MS4A7: variants seen among roughly 807,000 people sequenced by gnomAD.
MS4A7 encodes the protein membrane spanning 4-domains A7, also known as membrane-spanning 4-domains subfamily A member 7.
MS4A7 carries 21 observed loss-of-function variants against 23.5 expected under a neutral mutation model. That is an observed-to-expected ratio of 0.89 (90% CI 0.63 to 1.29). The LOEUF is 1.29. MS4A7 is among the 50% of genes most tolerant of loss of function. The pLI, the probability that MS4A7 is intolerant of heterozygous loss-of-function variation, is 0.00. For synonymous variants in MS4A7, 111 were observed against 107.4 expected, an observed-to-expected ratio of 1.03 and a Z score of -0.21; for missense variants, 263 against 274.2, an observed-to-expected ratio of 0.96 and a Z score of 0.29.
Position 60,388,106 on chromosome 11 carries a change from T to C in MS4A7, c.340-1284T>C, listed in dbSNP as rs115105120. On this transcript the variant is annotated intron_variant, in intron 4 of 6. Transcript: ENST00000300184. ...CTATATGGATTCATGTGCTGAGTCT[T>C]TGAAGGAAAAGTAGTCCCAGTGGGC... Among the ~76,000 whole-genome samples, 848 of 152,330 alleles carry C rather than the reference T, an allele frequency of 5.6e-3. 14 individuals carry two copies. Among genetic ancestry groups the C allele is most frequent in the African/African-American group, 0.019 (803 of 41,580 alleles).
chr11:60,383,315 T>G, intron 2 of MS4A7, 27 bp downstream of exon 2: 1 of 1,612,728 alleles, frequency 6.2e-7, no homozygotes, highest in Non-Finnish European at 8.5e-7. Flanking sequence ...ATAAGGGGAA[T>G]ACTGAGAAAA....
intron 3 of MS4A7, chr11:60,386,372 C>T (rs976134768): frequency 2.2e-5 from 5 of 222,888 alleles, no homozygotes; most frequent in Non-Finnish European, 4.3e-5. Flanking sequence ...TCTGTCCATT[C>T]AAGTCATTGG....
Position 60,394,374 on chromosome 11 carries a change from ATCT to A in MS4A7, c.*517_*519del, listed in dbSNP as rs1272319348. On this transcript the variant is annotated 3_prime_UTR_variant, in exon 7 of 7. Transcript: ENST00000300184. Reference sequence around the variant, plus strand: ...CCATTAGGTGGAAGACAGCAAAGAGATCTTCTCAAGTGCTTAGGATTACCTCTC... The same window carrying A: ...CCATTAGGTGGAAGACAGCAAAGAGATCTCAAGTGCTTAGGATTACCTCTC... 6.6e-6 allele frequency: 1 copy of A among 152,598 alleles called. No individual in the cohort carries two copies. The highest frequency in any genetic ancestry group is 1.5e-5 in the Non-Finnish European group (1 of 68,464). The allele number at this position is 152,598 out of a possible 1,614,324, so 9.5% of individuals were successfully genotyped here. A position where few individuals can be genotyped will look rare whatever the true frequency, so the allele number is the denominator to read the frequency against.
intron 4 of MS4A7, chr11:60,388,889 A>G (rs1206578563): frequency 6.4e-6 from 1 of 155,174 alleles, no homozygotes; most frequent in Non-Finnish European, 1.4e-5. Flanking sequence ...TTGAAAGCCT[A>G]TTTTATGTTC....
Position 60,385,256 on chromosome 11 carries a change from C to G in MS4A7, c.282+34C>G, listed in dbSNP as rs190815822. 3 of 1,612,454 alleles carry G rather than the reference C, an allele frequency of 1.9e-6. No individual in the cohort carries two copies. The African/African-American group carries it at 4.0e-5, about 22-fold the overall frequency. On this transcript the variant is annotated intron_variant, in intron 3 of 6. Coordinates refer to ENST00000300184, the MANE Select transcript of MS4A7 (RefSeq NM_021201.5). ...AATGGGGACTCTAAGAGGGGACATG[C>G]TTTATAAATGCTAACCAGGTGCATA...
rs117412294 is a variant in MS4A7 at position 60,380,130 on chromosome 11, T to C, written c.-14+1466T>C. Reference sequence around the variant, plus strand: ...TTCAAGGTTCATCCATGTTGTGCCATGTATCAGAATCTATCATTTGCTTTT... The same window carrying C: ...TTCAAGGTTCATCCATGTTGTGCCACGTATCAGAATCTATCATTTGCTTTT... On this transcript the variant is annotated intron_variant, in intron 1 of 6. Transcript: ENST00000300184. Among the ~76,000 whole-genome samples, 259 of 152,366 alleles carry C rather than the reference T, an allele frequency of 1.7e-3. 2 individuals are homozygous for C. In the East Asian group the frequency reaches 0.036, roughly 21 times the overall value.
chr11:60,379,538 G>C (rs1370532097), intron 1 of MS4A7, among the ~76,000 whole-genome samples: 4 of 136,220 alleles, frequency 2.9e-5, no homozygotes, highest in African/African-American at 7.4e-5. Context: ...TTGTTTGTTT[G>C]TTTGTTTGTT....
intron 4 of MS4A7, 33 bp downstream of exon 4, chr11:60,386,806 T>C (rs1171885457): frequency 6.6e-7 from 1 of 1,526,024 alleles, no homozygotes; most frequent in Admixed American, 1.8e-5. Flanking sequence ...CTCAGCTGGT[T>C]GGAATTGAAG....
rs2085609217 is a variant in MS4A7 at position 60,395,713 on chromosome 11, T to C, written c.*1852T>C. The C allele has an allele frequency of 6.6e-6, 1 of 152,180 alleles. No individual in the cohort carries two copies. Among genetic ancestry groups the C allele is most frequent in the Non-Finnish European group, 1.5e-5 (1 of 68,040 alleles). The allele number at this position is 152,180 out of a possible 1,614,324, so 9.4% of individuals were successfully genotyped here. On this transcript the variant is annotated 3_prime_UTR_variant, in exon 7 of 7. Transcript: ENST00000300184. Reference sequence around the variant, plus strand: ...ACTCCATCTGGTCCTATAGCATCTTTACTACTGATTTTTTTTTGTTTAATT... The same window carrying C: ...ACTCCATCTGGTCCTATAGCATCTTCACTACTGATTTTTTTTTGTTTAATT...
At position 60,394,921 on chromosome 11, in the gene MS4A7, A is replaced by G. The variant is rs750701151; in HGVS notation, c.*1060A>G. ...AGAATATTCAGTCGTTGGCACATAA[A>G]CTATGTTCTCTTCTGTCATTTCAGG... On this transcript the variant is annotated 3_prime_UTR_variant, in exon 7 of 7. Transcript: ENST00000300184. 6.4e-6 allele frequency: 4 copies of G among 628,452 alleles called. No homozygotes were observed. The highest frequency in any genetic ancestry group is 5.9e-5 in the South Asian group (3 of 50,690). The allele number at this position is 628,452 out of a possible 1,614,324, so 38.9% of individuals were successfully genotyped here. A position where few individuals can be genotyped will look rare whatever the true frequency, so the allele number is the denominator to read the frequency against.
intron 1 of MS4A7, among the ~76,000 whole-genome samples, chr11:60,379,125 G>A (rs2085401475): frequency 6.6e-6 from 1 of 152,252 alleles, no homozygotes; most frequent in Non-Finnish European, 1.5e-5. Context: ...AATGTGGAAG[G>A]ACAAAGCATC....
chr11:60,393,193 C>T (rs2085572679), intron 6 of MS4A7, among the ~76,000 whole-genome samples: 1 of 152,066 alleles, frequency 6.6e-6, no homozygotes, highest in Non-Finnish European at 1.5e-5. Context: ...CAGCTGGTGT[C>T]TACTGGGAAG....
chr11:60,392,695 T>G lies in MS4A7; in HGVS notation c.557T>G (p.Val186Gly), dbSNP rs1259692511. ...TGTCCTGATTTGCAGGGTGTCCTAG[T>G]GGTGATGCTCATCTTCACTGTGCTG... ...LTSVSLTGVL[V>G]VMLIFTVLEL... is the part of the protein sequence containing the mutation. The change falls in exon 6 of 7, where the codon GTG (valine) becomes GGG (glycine). Residue 186 changes from valine (V) to glycine (G), a missense_variant. Coordinates refer to ENST00000300184, the MANE Select transcript of MS4A7 (RefSeq NM_021201.5). The G allele has an allele frequency of 3.1e-6, 5 of 1,613,662 alleles. No homozygotes were observed. Among genetic ancestry groups the G allele is most frequent in the East Asian group, 4.5e-5 (2 of 44,878 alleles).
intron 4 of MS4A7, among the ~76,000 whole-genome samples, chr11:60,388,324 GA>G (rs996405184): frequency 6.6e-6 from 1 of 152,224 alleles, no homozygotes; most frequent in Non-Finnish European, 1.5e-5. Context: ...CTGAAGCCCA[GA>G]GTAAGAAGGA....
At chr11:60,389,282 G>T in intron 4 of MS4A7, 108 bp from the exon 5 acceptor site, 1 of 830,280 alleles carries the variant, frequency 1.2e-6, no homozygotes, top group Non-Finnish European at 1.9e-6. Flanking sequence ...CAAGGAAACA[G>T]GAAGGAAACA....
In MS4A7 at chr11:60,378,588, G is replaced by A. The variant is rs2085396152; in HGVS notation, c.-90G>A. ...GATCGTTCTGGCAGGAACAGCCAGT[G>A]GGAGGTTCCAGCTGAGCGCTCCCCA... On this transcript the variant is annotated 5_prime_UTR_variant, in exon 1 of 7. Transcript: ENST00000300184. 6.6e-6 allele frequency: 1 copy of A among 152,300 alleles called. No homozygotes were observed. The highest frequency in any genetic ancestry group is 2.1e-4 in the South Asian group (1 of 4,840). The allele number at this position is 152,300 out of a possible 1,614,324, so 9.4% of individuals were successfully genotyped here.
rs1235108002 is a variant in MS4A7 at position 60,394,800 on chromosome 11, C to T, written c.*939C>T. 3.2e-6 allele frequency: 1 copy of T among 314,110 alleles called. No individual in the cohort carries two copies. The highest frequency in any genetic ancestry group is 5.6e-6 in the Non-Finnish European group (1 of 177,914). 19.5% of individuals were successfully genotyped at this position (314,110 alleles called of 1,614,324 possible). A position where few individuals can be genotyped will look rare whatever the true frequency, so the allele number is the denominator to read the frequency against. On this transcript the variant is annotated 3_prime_UTR_variant, in exon 7 of 7. Transcript: ENST00000300184. ...CCGGCCTACAAGAACAAAACTCCATCTCAAAATAAATAAAAAAATAAATAA... is the reference window on the plus strand; with the variant it reads ...CCGGCCTACAAGAACAAAACTCCATTTCAAAATAAATAAAAAAATAAATAA...
In MS4A7 at chr11:60,395,003, C is replaced by T; in HGVS notation, c.*1142C>T. ...CAAGTTACAGATAATCTCTGACTGG[C>T]ATGTTTTCTGCTTCTAGCTTGGAGC... On this transcript the variant is annotated 3_prime_UTR_variant, in exon 7 of 7. Transcript: ENST00000300184. The T allele has an allele frequency of 1.6e-6, 1 of 629,950 alleles. No homozygotes were observed. Among genetic ancestry groups the T allele is most frequent in the Non-Finnish European group, 2.9e-6 (1 of 345,690 alleles). 39.0% of individuals were successfully genotyped at this position (629,950 alleles called of 1,614,324 possible).
chr11:60,383,255 G>C lies in MS4A7; in HGVS notation c.114G>C (p.Gln38His), dbSNP rs1438233836. Reference protein sequence around the residue: ...GHMYQNEDYLQNGLPTETTVL... With the variant: ...GHMYQNEDYLHNGLPTETTVL... ...TGTACCAAAACGAAGATTACCTGCA[G>C]AACGGGCTGCCAACAGAAACCACCG... Residue 38 changes from glutamine to histidine, a missense_variant, in exon 2 of 7, where the codon CAG (glutamine) becomes CAC (histidine). By Grantham distance (24) the Gln-to-His change is conservative. Transcript: ENST00000300184. 1.2e-6 allele frequency: 2 copies of C among 1,614,056 alleles called. No individual in the cohort carries two copies. Among genetic ancestry groups the C allele is most frequent in the African/African-American group, 2.7e-5 (2 of 74,926 alleles).
Sources: allele counts gnomAD v4.1 joint callset (sites outside exome capture counted in the v4.1 genomes callset), GRCh38; gene constraint gnomAD v4.1.1; transcripts MANE v1.5; gene names NCBI Gene and HGNC (gene_info 2026-07-23, HGNC 2026-07-21).